Variants in SOX5 observed in about 807,000 individuals in gnomAD.
The protein encoded by SOX5 is SRY-box transcription factor 5, also known as transcription factor SOX-5.
A neutral mutation model predicts 92.0 loss-of-function variants in SOX5; 9 were observed. The ratio of observed to expected loss-of-function variants is 0.10; its 90% CI spans 0.06 to 0.17. The LOEUF (loss-of-function observed/expected upper bound fraction) is 0.17, where lower values mean the gene tolerates loss of function less well. Ranked by LOEUF, SOX5 falls within the 10% of genes least tolerant of loss-of-function variation. The probability of loss-of-function intolerance (pLI) is 1.00; values close to 1 mark genes in which losing one functional copy is unlikely to be tolerated. For missense variants in SOX5, 642 were observed against 944.5 expected (o/e 0.68, Z 4.20); for synonymous variants, 344 against 336.3 (o/e 1.02, Z -0.25).
intron 12 of SOX5, among the ~76,000 whole-genome samples, chr12:23,544,594 C>G (rs563078976): frequency 1.1e-3 from 161 of 152,270 alleles, no homozygotes; most frequent in Middle Eastern, 0.01. Flanking sequence ...CATAGCATAC[C>G]TGTTGGTGAA....
chr12:23,812,975 T>C (rs1008070237), intron 3 of SOX5, among the ~76,000 whole-genome samples: 1 of 152,222 alleles, frequency 6.6e-6, no homozygotes, highest in African/African-American at 2.4e-5. Context: ...CAAATTACAT[T>C]TCTTTTTTCT....
At chr12:24,015,513 T>C (rs1274827850) in intron 4 of SOX5, among the ~76,000 whole-genome samples, 1 of 152,148 alleles carries the variant, frequency 6.6e-6, no homozygotes, top group Admixed American at 6.5e-5. Context: ...TGTTCGCCTC[T>C]TGTTCCCCCA....
chr12:24,526,326 T>G (rs1950706496), intron 1 of SOX5, among the ~76,000 whole-genome samples: 1 of 151,854 alleles, frequency 6.6e-6, no homozygotes, highest in Non-Finnish European at 1.5e-5. Flanking sequence ...GAAGGAAAAT[T>G]TGATGATGCA....
At chr12:23,812,310 C>T (rs1272443885) in intron 3 of SOX5, among the ~76,000 whole-genome samples, 2 of 151,950 alleles carry the variant, frequency 1.3e-5, no homozygotes, top group Non-Finnish European at 2.9e-5. Flanking sequence ...AAATAATGAC[C>T]ATCATATTTT....
intron 6 of SOX5, among the ~76,000 whole-genome samples, chr12:23,726,414 G>C (rs887453983): frequency 6.6e-6 from 1 of 152,060 alleles, no homozygotes; most frequent in Non-Finnish European, 1.5e-5. Context: ...AAAGACAGGA[G>C]GTAGAAATTC....
At chr12:23,922,215 A>G (rs1199526354) in intron 1 of SOX5, among the ~76,000 whole-genome samples, 1 of 152,218 alleles carries the variant, frequency 6.6e-6, no homozygotes, top group African/African-American at 2.4e-5. Context: ...GTGGTTGCCA[A>G]TACAGCTTCC....
intron 2 of SOX5, among the ~76,000 whole-genome samples, chr12:24,346,599 C>T (rs1037113939): frequency 1.3e-5 from 2 of 151,870 alleles, no homozygotes; most frequent in South Asian, 2.1e-4. Context: ...ACTACAGGTG[C>T]GTGCCACCAT....
At chr12:24,188,409 C>T (rs1565616949) in intron 4 of SOX5, among the ~76,000 whole-genome samples, 1 of 151,904 alleles carries the variant, frequency 6.6e-6, no homozygotes, top group Admixed American at 6.6e-5. Context: ...TACAGAGGAA[C>T]AAAATTTGTC....
intron 4 of SOX5, among the ~76,000 whole-genome samples, chr12:24,207,997 T>G (rs1308056340): frequency 1.3e-5 from 2 of 152,174 alleles, no homozygotes; most frequent in Non-Finnish European, 2.9e-5. Flanking sequence ...AAAAACAAAC[T>G]GCTTTTTGTG....
intron 8 of SOX5, 100 bp downstream of exon 8, chr12:23,640,712 G>A (rs1362851690): frequency 1.3e-6 from 1 of 794,918 alleles, no homozygotes; most frequent in East Asian, 2.5e-5. Flanking sequence ...GAAAGTGTGA[G>A]ACGAATATCA....
intron 3 of SOX5, among the ~76,000 whole-genome samples, chr12:23,832,578 T>C (rs1325068973): frequency 1.3e-5 from 2 of 152,014 alleles, no homozygotes; most frequent in African/African-American, 4.8e-5. Flanking sequence ...ATAATGACAA[T>C]AACTGGTACA....
chr12:24,121,822 G>A (rs1053398597), intron 4 of SOX5, among the ~76,000 whole-genome samples: 3 of 146,956 alleles, frequency 2.0e-5, no homozygotes, highest in Non-Finnish European at 4.5e-5. Flanking sequence ...GGAGGCAGAG[G>A]TTGCAGTGAG....
At position 24,219,989 on chromosome 12, in the gene SOX5, T is replaced by G. The variant is rs189689144; in HGVS notation, c.-76-6572A>C. The stretch of plus-strand genomic sequence containing the variant: ...AGCCTTAGTTTCCTCATCTTTAAAG[T>G]GATGATTAATTGAACTAATGGCTTA... On this transcript the variant is annotated intron_variant, in intron 3 of 4. Coordinates refer to the SOX5 transcript ENST00000446891. 2.0e-5 allele frequency among the ~76,000 whole-genome samples: 3 copies of G among 152,150 alleles called. No homozygotes were observed. In the South Asian group the frequency reaches 6.2e-4, roughly 31 times the overall value.
chr12:24,307,517 G>GGAGGGAGGGAAGGAAGGAAGTTAGTTT (rs1595425883), intron 2 of SOX5, among the ~76,000 whole-genome samples: 3 of 27,476 alleles, frequency 1.1e-4, no homozygotes, highest in African/African-American at 1.3e-4. Context: ...AAGGAAGGAA[G>GGAGGGAGGGAAGGAAGGAAGTTAGTTT]GCCGGCCCCC....
chr12:24,247,645 CTTT>C (rs11300258), intron 3 of SOX5, among the ~76,000 whole-genome samples: 2,609 of 75,606 alleles, frequency 0.035, 77 homozygotes, highest in African/African-American at 0.11. Flanking sequence ...TATTTATTTA[CTTT>C]TTTTTTTTTT....
chr12:24,555,367 T>C lies in SOX5; in HGVS notation c.-251+6962A>G, dbSNP rs1953670394. Among the ~76,000 whole-genome samples, 3 of 152,152 alleles carry C rather than the reference T, an allele frequency of 2.0e-5. No homozygotes were observed. The South Asian group carries it at 6.2e-4, about 31-fold the overall frequency. On this transcript the variant is annotated intron_variant, in intron 1 of 4. Transcript: ENST00000446891. ...GTACGGTTTATACTCTGATAAAAAA[T>C]AAGGATTAATGGAAGATAAATGAAC...
In SOX5 at chr12:24,320,870, A is replaced by AT. The variant is rs200134908; in HGVS notation, c.-173-43559_-173-43558insA. ...ACAGAGCAAGACTCTGTCTCAAAAA[A>AT]AAATAATAATAATAATAATAATAAT... On this transcript the variant is annotated intron_variant, in intron 2 of 4. Transcript: ENST00000446891. 6.4e-3 allele frequency among the ~76,000 whole-genome samples: 954 copies of AT among 148,140 alleles called. 10 individuals carry two copies. Among genetic ancestry groups the AT allele is most frequent in the African/African-American group, 0.023 (903 of 39,960 alleles).
At chr12:23,614,107 T>C (rs1391626891) in intron 8 of SOX5, among the ~76,000 whole-genome samples, 2 of 152,096 alleles carry the variant, frequency 1.3e-5, no homozygotes, top group Non-Finnish European at 2.9e-5. Flanking sequence ...GACTGACTTG[T>C]AAAGAGCTTC....
intron 2 of SOX5, among the ~76,000 whole-genome samples, chr12:23,856,149 A>G (rs1423342559): frequency 6.6e-6 from 1 of 152,088 alleles, no homozygotes; most frequent in Non-Finnish European, 1.5e-5. Context: ...AATTTCCTGA[A>G]CCCACTTTAG....
Sources: allele counts gnomAD v4.1 joint callset (sites outside exome capture counted in the v4.1 genomes callset), GRCh38; gene constraint gnomAD v4.1.1; transcripts MANE v1.5; gene names NCBI Gene and HGNC (gene_info 2026-07-23, HGNC 2026-07-21).